Variants in CRACR2B observed in about 807,000 individuals in gnomAD.
CRACR2B encodes EF-hand calcium-binding domain-containing protein 4A.
In CRACR2B, 50 loss-of-function variants were observed where a neutral mutation model predicts 46.0. That is an observed-to-expected ratio of 1.09 (90% CI 0.87 to 1.38). CRACR2B has a LOEUF of 1.38. Among genes scored for constraint, CRACR2B ranks in the 40% most tolerant of loss-of-function variants. The pLI is 0.00. For synonymous variants in CRACR2B, 277 were observed against 239.6 expected, an observed-to-expected ratio of 1.16 and a Z score of -1.44; for missense variants, 667 against 535.0, an observed-to-expected ratio of 1.25 and a Z score of -2.43.
rs554806535 is a variant in CRACR2B, at chr11:828,000, T to A, written c.-608T>A. Among the ~76,000 whole-genome samples the A allele has an allele frequency of 6.0e-3, 918 of 152,160 alleles. 2 individuals are homozygous for A. The highest frequency in any genetic ancestry group is 0.011 in the Non-Finnish European group (719 of 67,968). ...GTCAGAGGCGAAGGGCTCTGCAGGC[T>A]GGGACCTTGCCCCTGCACTCTGTGG... On this transcript the variant is annotated 5_prime_UTR_variant, in exon 1 of 9. Coordinates refer to ENST00000525077, the MANE Select transcript of CRACR2B (RefSeq NM_001286606.2).
intron 8 of CRACR2B, 101 bp from the exon 9 acceptor site, chr11:831,434 T>G (rs1846431971): frequency 7.4e-6 from 11 of 1,481,948 alleles, no homozygotes; most frequent in African/African-American, 2.8e-5. Flanking sequence ...CGCTGCAGCC[T>G]CAGCCAGACA....
In CRACR2B at chr11:830,293, G is replaced by T; in HGVS notation, c.649G>T (p.Glu217Ter). The T allele has an allele frequency of 2.0e-6, 3 of 1,533,134 alleles. No individual in the cohort carries two copies. The South Asian group carries it at 3.6e-5, about 18-fold the overall frequency. The allele number at this position is 1,533,134 out of a possible 1,614,324, so 95.0% of individuals were successfully genotyped here. The change falls in exon 5 of 9, where the codon GAG becomes TAG. Residue 217 changes from glutamate to a stop codon, truncating the protein, a stop_gained. Transcript: ENST00000525077. LOFTEE classifies it high-confidence loss of function. ...HEREVRALYE[E>*]TEQLREQSRR... ...GAGGGAGGTGCGCGCTCTGTACGAG[G>T]AGACGGAGCAGCTTCGGGAGCAGAG...
intron 5 of CRACR2B, 41 bp from the exon 6 acceptor site, chr11:830,580 G>C: frequency 1.3e-6 from 2 of 1,548,432 alleles, no homozygotes; most frequent in Non-Finnish European, 1.7e-6. Context: ...TTGCATGGCC[G>C]AGCGGCCGGC....
intron 3 of CRACR2B, 21 bp downstream of exon 3, chr11:829,561 C>G (rs768501860): frequency 6.5e-7 from 1 of 1,539,638 alleles, no homozygotes; most frequent in Non-Finnish European, 8.7e-7. Context: ...GCTGGCCCCG[C>G]TCCCACTGCC....
chr11:827,177 T>C (rs1282258318), upstream of CRACR2B: 2 of 152,182 alleles, frequency 1.3e-5, no homozygotes, highest in African/African-American at 2.4e-5. Flanking sequence ...AGCGGGGGTC[T>C]CGGTGCCTGC....
rs1274542020 is a variant in CRACR2B at position 828,498 on chromosome 11, C to T, written c.-110C>T. The T allele has an allele frequency of 9.7e-6, 13 of 1,337,226 alleles. No homozygotes were observed. Among genetic ancestry groups the T allele is most frequent in the Middle Eastern group, 2.7e-4 (1 of 3,748 alleles). The allele number at this position is 1,337,226 out of a possible 1,614,324, so 82.8% of individuals were successfully genotyped here. A position where few individuals can be genotyped will look rare whatever the true frequency, so the allele number is the denominator to read the frequency against. On this transcript the variant is annotated 5_prime_UTR_variant, in exon 1 of 9. Coordinates refer to ENST00000525077, the MANE Select transcript of CRACR2B (RefSeq NM_001286606.2). ...TCCCACCTGCTGCAGGGAGGGCCCTCGGCTGAGCCTTCAGACACACTTGCA... is the reference window on the plus strand; with the variant it reads ...TCCCACCTGCTGCAGGGAGGGCCCTTGGCTGAGCCTTCAGACACACTTGCA...
rs1846046238 is a variant in CRACR2B, at chr11:828,075, C to T, written c.-533C>T. Among the ~76,000 whole-genome samples the T allele has an allele frequency of 6.6e-6, 1 of 152,074 alleles. No individual in the cohort carries two copies. Among genetic ancestry groups the T allele is most frequent in the Non-Finnish European group, 1.5e-5 (1 of 68,000 alleles). On this transcript the variant is annotated 5_prime_UTR_variant, in exon 1 of 9. Transcript: ENST00000525077. ...CGGTGGGCAGGAGGGAGAAGTCTGCCCTGCCTGCCAGCTGTCATGAGGCTG... is the reference window on the plus strand; with the variant it reads ...CGGTGGGCAGGAGGGAGAAGTCTGCTCTGCCTGCCAGCTGTCATGAGGCTG...
chr11:829,069 C>T (rs778376479), intron 2 of CRACR2B, 106 bp downstream of exon 2: 22 of 1,431,336 alleles, frequency 1.5e-5, no homozygotes, highest in Admixed American at 5.6e-5. Flanking sequence ...TCGTCCTCCT[C>T]CCTCCAGGGC....
Position 831,576 on chromosome 11 carries a change from A to T in CRACR2B, c.1067A>T (p.Glu356Val), listed in dbSNP as rs201863047. The T allele has an allele frequency of 6.3e-7, 1 of 1,597,540 alleles. No individual in the cohort carries two copies. Among genetic ancestry groups the T allele is most frequent in the African/African-American group, 1.4e-5 (1 of 73,924 alleles). The change falls in exon 9 of 9, where the codon GAG becomes GTG. Residue 356 changes from glutamate to valine, a missense_variant. Physicochemically the swap from Glu to Val is moderately radical, Grantham distance 121. Coordinates refer to ENST00000525077, the MANE Select transcript of CRACR2B (RefSeq NM_001286606.2). ...TRLRDDRDAC[E>V]ARRAGSSCRK... is the part of the protein sequence containing the mutation. ...CTGCGGGATGACAGGGACGCCTGCGAGGCCAGGCGGGCGGGCAGCAGCTGC... is the reference window on the plus strand; with the variant it reads ...CTGCGGGATGACAGGGACGCCTGCGTGGCCAGGCGGGCGGGCAGCAGCTGC...
Position 830,986 on chromosome 11 carries a change from C to G in CRACR2B, c.907C>G (p.Arg303Gly), listed in dbSNP as rs956549823. The G allele has an allele frequency of 2.6e-5, 40 of 1,533,838 alleles. No individual in the cohort carries two copies. In the Middle Eastern group the frequency reaches 8.8e-4, roughly 34 times the overall value. The change falls in exon 7 of 9, where the codon CGC (arginine) becomes GGC (glycine). Residue 303 changes from arginine to glycine, a missense_variant. By Grantham distance (125) the Arg-to-Gly change is moderately radical (BLOSUM62 -2). Coordinates refer to ENST00000525077, the MANE Select transcript of CRACR2B (RefSeq NM_001286606.2). ...TQLEGAQEQI[R>G]RLESEARGRQ... Reference sequence around the variant, plus strand: ...GCTGGAGGGGGCGCAGGAGCAGATCCGCAGGCTGGAGAGCGAAGCACGAGG... The same window carrying G: ...GCTGGAGGGGGCGCAGGAGCAGATCGGCAGGCTGGAGAGCGAAGCACGAGG...
In CRACR2B at chr11:830,718, G is replaced by C. The variant is rs1191136827; in HGVS notation, c.786+5G>C. 2.0e-6 allele frequency: 3 copies of C among 1,528,332 alleles called. No individual in the cohort carries two copies. The highest frequency in any genetic ancestry group is 2.6e-6 in the Non-Finnish European group (3 of 1,139,194). The allele number at this position is 1,528,332 out of a possible 1,614,324, so 94.7% of individuals were successfully genotyped here. A position where few individuals can be genotyped will look rare whatever the true frequency, so the allele number is the denominator to read the frequency against. ...GCGGGCCTGCGGCAGCGGGAGGTGA[G>C]CACCCGGCCCCTGCCCTGTCCCCAC... is the stretch of plus-strand genomic sequence containing the variant. On this transcript the variant is annotated splice_donor_5th_base_variant and intron_variant, in intron 6 of 8. Transcript: ENST00000525077.
At chr11:831,344 G>A (rs1175302642) in intron 8 of CRACR2B, 49 bp downstream of exon 8, 1 of 1,558,848 alleles carries the variant, frequency 6.4e-7, no homozygotes, top group African/African-American at 1.4e-5. Context: ...CGGAGCTTGG[G>A]GGCTCCCAGC....
At position 831,030 on chromosome 11, in the gene CRACR2B, A is replaced by G; in HGVS notation, c.951A>G (p.Gln317=). 1 of 1,534,834 alleles carries G rather than the reference A, an allele frequency of 6.5e-7. No homozygotes were observed. The highest frequency in any genetic ancestry group is 8.7e-7 in the Non-Finnish European group (1 of 1,146,494). ...CACGAGGCCGCCAGGAGCAAACCCAACGGTGCCGTGGGACGGGGCTGGGCG... is the reference window on the plus strand; with the variant it reads ...CACGAGGCCGCCAGGAGCAAACCCAGCGGTGCCGTGGGACGGGGCTGGGCG... The part of the protein sequence containing the change: ...SEARGRQEQT[Q]RDVVAVSRNM... Residue 317 remains glutamine (Q), a splice_region_variant and synonymous_variant, in exon 7 of 9, where the codon CAA becomes CAG. Transcript: ENST00000525077.
Position 829,350 on chromosome 11 carries a change from A to C in CRACR2B, c.278-10A>C, listed in dbSNP as rs772046526. The C allele has an allele frequency of 6.2e-7, 1 of 1,600,112 alleles. No homozygotes were observed. Among genetic ancestry groups the C allele is most frequent in the South Asian group, 1.1e-5 (1 of 88,962 alleles). On this transcript the variant is annotated splice_polypyrimidine_tract_variant and intron_variant, in intron 2 of 8. Coordinates refer to ENST00000525077, the MANE Select transcript of CRACR2B (RefSeq NM_001286606.2). Reference sequence around the variant, plus strand: ...CACAGCCCTGGTAATCGCTCGCTCCATGCCCGCAGGGATGTTTGTGGGGGT... The same window carrying C: ...CACAGCCCTGGTAATCGCTCGCTCCCTGCCCGCAGGGATGTTTGTGGGGGT...
chr11:826,616 C>T (rs545091616), upstream of CRACR2B, among the ~76,000 whole-genome samples: 35 of 152,352 alleles, frequency 2.3e-4, no homozygotes, highest in African/African-American at 7.0e-4. Flanking sequence ...CTCTGCCTCC[C>T]GAGTTCAAGT....
Position 828,685 on chromosome 11 carries a change from G to T in CRACR2B, c.78G>T (p.Pro26=). The T allele has an allele frequency of 1.2e-6, 2 of 1,611,448 alleles. No individual in the cohort carries two copies. The highest frequency in any genetic ancestry group is 1.1e-5 in the South Asian group (1 of 90,942). ...AACTCGAGGGGGGCTCTGCAGGGCC[G>T]CGGGCTGCAATACTGGAGCAGGCTG... ...EGELEGGSAG[P]RAAILEQAEE... The change falls in exon 1 of 9, where the codon CCG becomes CCT. Residue 26 remains proline, a synonymous_variant. Coordinates refer to ENST00000525077, the MANE Select transcript of CRACR2B (RefSeq NM_001286606.2).
In CRACR2B at chr11:831,639, C is replaced by CCTG. The variant is rs752891709; in HGVS notation, c.1143_1145dup (p.Cys383dup). On this transcript the variant is annotated inframe_insertion, in exon 9 of 9. Transcript: ENST00000525077. ...ACAACAGCCCGCCTGCCTGGGCCCA[C>CCTG]CTGCTGCTGCTGCTGTTGCTGGGCT... 1.4e-5 allele frequency: 21 copies of CCTG among 1,552,708 alleles called. No individual in the cohort carries two copies. Among genetic ancestry groups the CCTG allele is most frequent in the Admixed American group, 2.2e-5 (1 of 45,758 alleles).
At chr11:826,768 G>A (rs903359783), upstream of CRACR2B, among the ~76,000 whole-genome samples, 5 of 151,596 alleles carry the variant, frequency 3.3e-5, no homozygotes, top group African/African-American at 1.2e-4. Context: ...CAGGTGATCT[G>A]CCCCTGTCTC....
chr11:830,492 C>A, intron 5 of CRACR2B, 129 bp from the exon 6 acceptor site: 1 of 1,537,708 alleles, frequency 6.5e-7, no homozygotes, highest in South Asian at 1.2e-5. Flanking sequence ...CCTCACGTAT[C>A]ACCCCCGTCC....
Sources: allele counts gnomAD v4.1 joint callset (sites outside exome capture counted in the v4.1 genomes callset), GRCh38; gene constraint gnomAD v4.1.1; transcripts MANE v1.5; gene names NCBI Gene and HGNC (gene_info 2026-07-23, HGNC 2026-07-21).